MACROD1: variants seen among roughly 807,000 people sequenced by gnomAD.
MACROD1 encodes the protein mono-ADP ribosylhydrolase 1.
Under a neutral mutation model 41.4 loss-of-function variants are expected in MACROD1, and 31 were observed. That is an observed-to-expected ratio of 0.75 (90% CI 0.56 to 1.01). MACROD1 has a LOEUF of 1.01. Ranked by LOEUF, MACROD1 falls within the 50% of genes least tolerant of loss-of-function variation. The probability of loss-of-function intolerance (pLI) is 0.00; values close to 1 mark genes in which losing one functional copy is unlikely to be tolerated. For synonymous variants in MACROD1, 252 were observed against 203.4 expected (o/e 1.24, Z -2.03); for missense variants, 473 against 460.0 (o/e 1.03, Z -0.26).
intron 3 of MACROD1, among the ~76,000 whole-genome samples, chr11:64,144,782 C>T (rs947145162): frequency 2.6e-5 from 4 of 152,256 alleles, no homozygotes; most frequent in African/African-American, 4.8e-5. Context: ...TTTCTGCTGT[C>T]GTGGTGGCCG....
chr11:64,128,588 C>G (rs1945220369), intron 3 of MACROD1, among the ~76,000 whole-genome samples: 2 of 151,998 alleles, frequency 1.3e-5, no homozygotes, highest in Admixed American at 6.6e-5. Flanking sequence ...ACTTCTGCGC[C>G]CCACTCAGGA....
Position 64,090,236 on chromosome 11 carries a change from G to A in MACROD1, c.517+61003C>T, listed in dbSNP as rs993036909. Among the ~76,000 whole-genome samples the A allele has an allele frequency of 4.9e-4, 74 of 152,310 alleles. No homozygotes were observed. The highest frequency in any genetic ancestry group is 2.4e-3 in the Admixed American group (36 of 15,306). On this transcript the variant is annotated intron_variant, in intron 3 of 10. Coordinates refer to ENST00000255681, the MANE Select transcript of MACROD1 (RefSeq NM_014067.4). The surrounding 1 kb of genome is among the most constrained non-coding windows in gnomAD (Gnocchi z 4.7). ...CAGGGTGTGGGAAAGGCCAACGGGCGTGTGGGTCTCCAGCCTTTGCTCATC... is the reference window on the plus strand; with the variant it reads ...CAGGGTGTGGGAAAGGCCAACGGGCATGTGGGTCTCCAGCCTTTGCTCATC...
At chr11:64,053,834 G>A (rs1316401259) in intron 3 of MACROD1, among the ~76,000 whole-genome samples, 1 of 152,160 alleles carries the variant, frequency 6.6e-6, no homozygotes, top group African/African-American at 2.4e-5. Flanking sequence ...GGGGAGGGGA[G>A]TGCTCAAGGT....
At chr11:64,051,059 A>G (rs1284155914) in intron 3 of MACROD1, among the ~76,000 whole-genome samples, 3 of 152,168 alleles carry the variant, frequency 2.0e-5, no homozygotes, top group African/African-American at 7.2e-5. Flanking sequence ...AGGCTCAAGT[A>G]TTGTGCCCCA....
At chr11:64,005,317 C>G (rs995973238) in intron 4 of MACROD1, among the ~76,000 whole-genome samples, 1 of 152,220 alleles carries the variant, frequency 6.6e-6, no homozygotes, top group Non-Finnish European at 1.5e-5. Context: ...CGTGAGCCAC[C>G]GCGCCCGGCC....
chr11:64,133,922 G>C (rs1019804083), intron 3 of MACROD1, among the ~76,000 whole-genome samples: 3 of 152,242 alleles, frequency 2.0e-5, no homozygotes, highest in Non-Finnish European at 4.4e-5. Flanking sequence ...TTCTCAGCTG[G>C]GACCTGGAGG....
intron 3 of MACROD1, among the ~76,000 whole-genome samples, chr11:64,074,183 G>C (rs1944159674): frequency 1.3e-5 from 2 of 152,230 alleles, no homozygotes; most frequent in African/African-American, 4.8e-5. Context: ...CTTTTATGAT[G>C]GGGAAACCGA....
chr11:64,001,470 G>A, intron 4 of MACROD1: 1 of 702,440 alleles, frequency 1.4e-6, no homozygotes, highest in South Asian at 1.5e-5. Context: ...ACAAACCAAG[G>A]CCACCTTCTC....
At chr11:64,044,601 G>A (rs1302355793) in intron 3 of MACROD1, among the ~76,000 whole-genome samples, 3 of 152,150 alleles carry the variant, frequency 2.0e-5, no homozygotes, top group Admixed American at 1.3e-4. Flanking sequence ...GTAAACTGAG[G>A]CACTGAGTGG....
intron 3 of MACROD1, among the ~76,000 whole-genome samples, chr11:64,134,979 C>T (rs1199455719): frequency 2.0e-5 from 3 of 152,178 alleles, no homozygotes; most frequent in East Asian, 1.9e-4. Context: ...TGGGTGCTCC[C>T]GCTGAATCTC....
chr11:64,094,956 G>A (rs568521462), intron 3 of MACROD1, among the ~76,000 whole-genome samples: 32 of 152,232 alleles, frequency 2.1e-4, no homozygotes, highest in Non-Finnish European at 3.8e-4. Flanking sequence ...TGTGCTCCAG[G>A]AGTGAAAGTA....
chr11:64,039,828 C>T (rs1205874993), intron 3 of MACROD1, among the ~76,000 whole-genome samples: 1 of 152,212 alleles, frequency 6.6e-6, no homozygotes, highest in Non-Finnish European at 1.5e-5. Context: ...TGGATTCCTG[C>T]AGCCCTGGGT....
At chr11:64,051,127 C>T (rs539207654) in intron 3 of MACROD1, among the ~76,000 whole-genome samples, 1 of 152,322 alleles carries the variant, frequency 6.6e-6, no homozygotes, top group South Asian at 2.1e-4. Context: ...GCCCCCAAAG[C>T]CCCAGGTTTG....
chr11:64,151,651 T>C (rs1945580506), intron 2 of MACROD1, among the ~76,000 whole-genome samples: 1 of 152,176 alleles, frequency 6.6e-6, no homozygotes. Context: ...GGTCAGAGAC[T>C]TGCCTAGGGT....
chr11:64,053,728 C>A (rs1943734693), intron 3 of MACROD1, among the ~76,000 whole-genome samples: 1 of 152,070 alleles, frequency 6.6e-6, no homozygotes. Context: ...CCTTCCCTTG[C>A]CTTCCGCTCT....
intron 3 of MACROD1, among the ~76,000 whole-genome samples, chr11:64,023,043 G>A (rs1036493199): frequency 2.0e-5 from 3 of 151,898 alleles, no homozygotes; most frequent in Non-Finnish European, 4.4e-5. Context: ...GCTATTTTTA[G>A]TACAATTGGG....
intron 3 of MACROD1, among the ~76,000 whole-genome samples, chr11:64,054,788 G>C (rs1023396647): frequency 2.6e-5 from 4 of 152,046 alleles, no homozygotes; most frequent in African/African-American, 9.7e-5. Flanking sequence ...GGGTCCTCCT[G>C]TGTCACTCAT....
At chr11:64,055,217 G>A (rs975759479) in intron 3 of MACROD1, among the ~76,000 whole-genome samples, 4 of 152,326 alleles carry the variant, frequency 2.6e-5, no homozygotes, top group Admixed American at 6.5e-5. Context: ...CCTCTGGGCC[G>A]GGAGCAGGGT....
At chr11:64,068,542 T>C (rs1359111265) in intron 3 of MACROD1, among the ~76,000 whole-genome samples, 1 of 152,250 alleles carries the variant, frequency 6.6e-6, no homozygotes, top group East Asian at 1.9e-4. Flanking sequence ...ACATATTTAC[T>C]GCCGATTACT....
Sources: allele counts gnomAD v4.1 joint callset (sites outside exome capture counted in the v4.1 genomes callset), GRCh38; gene constraint gnomAD v4.1.1; non-coding constraint Gnocchi (gnomAD v3.1); transcripts MANE v1.5; gene names NCBI Gene and HGNC (gene_info 2026-07-23, HGNC 2026-07-21).